ADAM28: variants seen among roughly 807,000 people sequenced by gnomAD.
ADAM28 encodes the protein disintegrin and metalloproteinase domain-containing protein 28.
ADAM28 carries 105 observed loss-of-function variants against 101.2 expected under a neutral mutation model. The observed-to-expected ratio is 1.04, with a 90% CI of 0.89 to 1.22. The LOEUF is 1.22. Among genes scored for constraint, ADAM28 ranks in the 50% most tolerant of loss-of-function variants. The probability of loss-of-function intolerance (pLI) is 0.00; values close to 1 mark genes in which losing one functional copy is unlikely to be tolerated. For missense variants in ADAM28, 1,028 were observed against 945.4 expected (o/e 1.09, Z -1.15); for synonymous variants, 322 against 310.6 (o/e 1.04, Z -0.39).
intron 5 of ADAM28, 88 bp downstream of exon 5, chr8:24,311,525 A>T (rs1810460119): frequency 4.0e-6 from 4 of 1,010,024 alleles, no homozygotes; most frequent in Non-Finnish European, 5.8e-6. Flanking sequence ...AAATATCATT[A>T]ATTTTTATAT....
chr8:24,358,592 C>T lies in ADAM28; in HGVS notation c.*4188C>T, dbSNP rs1288658042. ...ACGTTGGCACATCTGCCCTTGAATT[C>T]ACTTTGTCTCTTTTGCTGCTTCCAT... On this transcript the variant is annotated 3_prime_UTR_variant, in exon 23 of 23. Transcript: ENST00000265769. 1 of 152,150 alleles carries T rather than the reference C, an allele frequency of 6.6e-6. No homozygotes were observed. Among genetic ancestry groups the T allele is most frequent in the Non-Finnish European group, 1.5e-5 (1 of 68,036 alleles). 9.4% of individuals were successfully genotyped at this position (152,150 alleles called of 1,614,324 possible).
chr8:24,321,011 C>T lies in ADAM28; in HGVS notation c.649-207C>T, dbSNP rs567936229. On this transcript the variant is annotated intron_variant, in intron 7 of 22. Transcript: ENST00000265769. ...AGAGCTTTATACTGAGCTAGTACTTCAGAAGAGAAAACATCATATTCACTC... is the reference window on the plus strand; with the variant it reads ...AGAGCTTTATACTGAGCTAGTACTTTAGAAGAGAAAACATCATATTCACTC... Among the ~76,000 whole-genome samples the T allele has an allele frequency of 5.4e-3, 819 of 151,990 alleles. 6 individuals are homozygous for T. Among genetic ancestry groups the T allele is most frequent in the Non-Finnish European group, 9.1e-3 (618 of 67,886 alleles).
chr8:24,335,730 T>A, intron 14 of ADAM28, 89 bp downstream of exon 14: 1 of 1,344,420 alleles, frequency 7.4e-7, no homozygotes, highest in Non-Finnish European at 9.6e-7. Context: ...GACCATTCTG[T>A]CCTATCCTTC....
intron 6 of ADAM28, among the ~76,000 whole-genome samples, chr8:24,316,097 T>C (rs141879026): frequency 4.6e-5 from 7 of 151,716 alleles, no homozygotes; most frequent in African/African-American, 1.7e-4. Flanking sequence ...TTTATTTATA[T>C]TTTTTAGCAG....
intron 18 of ADAM28, among the ~76,000 whole-genome samples, chr8:24,345,423 T>A (rs1815289652): frequency 6.6e-6 from 1 of 152,118 alleles, no homozygotes; most frequent in Admixed American, 6.6e-5. Flanking sequence ...TCAAGATTAT[T>A]CTCTGTATCA....
chr8:24,320,327 G>A lies in ADAM28; in HGVS notation c.648+20G>A, dbSNP rs749368891. The A allele has an allele frequency of 6.6e-7, 1 of 1,520,384 alleles. No individual in the cohort carries two copies. The highest frequency in any genetic ancestry group is 9.0e-7 in the Non-Finnish European group (1 of 1,106,778). 94.2% of individuals were successfully genotyped at this position (1,520,384 alleles called of 1,614,324 possible). On this transcript the variant is annotated intron_variant, in intron 7 of 22. Transcript: ENST00000265769. ...GGTGAGGTAATTATATGAGATAAAT[G>A]TGCTGTCTTCCAAAACTCCCACCCA... is the stretch of plus-strand genomic sequence containing the variant.
At chr8:24,329,832 T>G (rs1813098837) in intron 10 of ADAM28, among the ~76,000 whole-genome samples, 153 bp from the exon 11 acceptor site, 1 of 149,438 alleles carries the variant, frequency 6.7e-6, no homozygotes, top group African/African-American at 2.5e-5. Context: ...CATTTAGTAC[T>G]CTCTCTCTCT....
chr8:24,332,942 G>T (rs1273370501), intron 13 of ADAM28, among the ~76,000 whole-genome samples, 193 bp downstream of exon 13: 1 of 152,020 alleles, frequency 6.6e-6, no homozygotes, highest in East Asian at 1.9e-4. Context: ...CTTCACAGTA[G>T]ATATTATTTC....
At chr8:24,310,412 C>T in intron 4 of ADAM28, 171 bp downstream of exon 4, 1 of 620,694 alleles carries the variant, frequency 1.6e-6, no homozygotes, top group East Asian at 3.2e-5. Flanking sequence ...AATCAATTAA[C>T]AAGAACAAAA....
At position 24,351,985 on chromosome 8, in the gene ADAM28, A is replaced by G; in HGVS notation, c.2179-2A>G. The G allele has an allele frequency of 6.2e-7, 1 of 1,613,474 alleles. No homozygotes were observed. The highest frequency in any genetic ancestry group is 8.5e-7 in the Non-Finnish European group (1 of 1,179,554). The stretch of plus-strand genomic sequence containing the variant: ...TTTTGAAATATTCGTTCTTCTTTTC[A>G]GATGAGTCAGATGAAGCCCCATGTG... On this transcript the variant is annotated splice_acceptor_variant, in intron 20 of 22. Coordinates refer to ENST00000265769, the MANE Select transcript of ADAM28 (RefSeq NM_014265.6). LOFTEE classifies it high-confidence loss of function.
At chr8:24,297,707 G>A (rs1451735613) in intron 1 of ADAM28, among the ~76,000 whole-genome samples, 2 of 152,166 alleles carry the variant, frequency 1.3e-5, no homozygotes, top group African/African-American at 4.8e-5. Context: ...AATTAAGGAG[G>A]CAGCAGGGAA....
chr8:24,346,718 T>C (rs933972582), intron 18 of ADAM28, among the ~76,000 whole-genome samples: 3 of 152,112 alleles, frequency 2.0e-5, no homozygotes, highest in Admixed American at 2.0e-4. Context: ...GCTCATGTAA[T>C]ATAATAAGGG....
intron 18 of ADAM28, among the ~76,000 whole-genome samples, chr8:24,345,382 T>C (rs545489591): frequency 3.3e-5 from 5 of 152,122 alleles, no homozygotes; most frequent in Non-Finnish European, 5.9e-5. Flanking sequence ...CCATATTGGG[T>C]CATTTTTCTT....
intron 18 of ADAM28, 67 bp downstream of exon 18, chr8:24,343,651 T>C (rs1325076837): frequency 7.0e-7 from 1 of 1,420,030 alleles, no homozygotes; most frequent in Admixed American, 1.8e-5. Context: ...TTTTGTATTA[T>C]ATGAGATTTC....
intron 5 of ADAM28, 83 bp downstream of exon 5, chr8:24,311,520 T>C: frequency 2.8e-6 from 3 of 1,081,128 alleles, no homozygotes; most frequent in South Asian, 1.7e-5. Context: ...ATCCCAAATA[T>C]CATTAATTTT....
intron 2 of ADAM28, among the ~76,000 whole-genome samples, chr8:24,302,818 G>A (rs911365558): frequency 2.0e-5 from 3 of 151,888 alleles, no homozygotes; most frequent in African/African-American, 7.3e-5. Flanking sequence ...TGTGCACAAC[G>A]TGCAGGTTTG....
At chr8:24,331,015 G>T (rs987613579) in intron 11 of ADAM28, 135 bp from the exon 12 acceptor site, 5 of 787,354 alleles carry the variant, frequency 6.4e-6, no homozygotes, top group Non-Finnish European at 9.7e-6. Flanking sequence ...ATGAGCTCAC[G>T]ATCTGGCAGT....
In ADAM28 at chr8:24,297,167, TTG is replaced by T. The variant is rs1491005046; in HGVS notation, c.47-2805_47-2804del. ...TAAAAGAAATGTTGTGGGTTTTTTT[TTG>T]TTGTTGTTGTTGTTTGTTTTATTTT... On this transcript the variant is annotated intron_variant, in intron 1 of 22. Coordinates refer to ENST00000265769, the MANE Select transcript of ADAM28 (RefSeq NM_014265.6). Among the ~76,000 whole-genome samples the T allele has an allele frequency of 6.2e-5, 8 of 128,276 alleles. No homozygotes were observed. In the East Asian group the frequency reaches 7.1e-4, roughly 11 times the overall value. The allele number at this position is 128,276 out of a possible 152,430, so 84.2% of individuals were successfully genotyped here.
At chr8:24,298,959 A>G (rs36050230) in intron 1 of ADAM28, among the ~76,000 whole-genome samples, 14,958 of 151,916 alleles carry the variant, frequency 0.098, 939 homozygotes, top group East Asian at 0.24. Context: ...TGGGAGGCCG[A>G]GCCAGGAGGA....
Sources: gnomAD v4.1 joint callset for allele counts (sites outside exome capture counted in the v4.1 genomes callset) on GRCh38, gnomAD v4.1.1 for gene constraint, MANE v1.5 for transcripts, NCBI Gene and HGNC (gene_info 2026-07-23, HGNC 2026-07-21) for gene names.